The following ACSM2A variants were observed in gnomAD, a reference collection of about 807,000 sequenced individuals.
ACSM2A encodes the protein acyl-coenzyme A synthetase ACSM2A, mitochondrial.
A neutral mutation model predicts 76.6 loss-of-function variants in ACSM2A; 72 were observed. The observed-to-expected ratio is 0.94, with a 90% CI of 0.78 to 1.14. The LOEUF is 1.14. Among genes scored for constraint, ACSM2A ranks in the 50% most tolerant of loss-of-function variants. The probability of loss-of-function intolerance (pLI) is 0.00; values close to 1 mark genes in which losing one functional copy is unlikely to be tolerated. For synonymous variants in ACSM2A, 249 were observed against 255.9 expected (o/e 0.97, Z 0.26); for missense variants, 684 against 708.5 (o/e 0.97, Z 0.39).
intron 6 of ACSM2A, chr16:20,474,036 GC>G (rs1216677562): frequency 4.5e-6 from 2 of 448,340 alleles, no homozygotes; most frequent in Non-Finnish European, 8.9e-6. Flanking sequence ...GCTTCAAGTT[GC>G]CCCACCTTTC....
At chr16:20,469,872 ATTTTTTTTTT>A (rs35674523) in intron 4 of ACSM2A, among the ~76,000 whole-genome samples, 153 bp downstream of exon 4, 2 of 67,746 alleles carry the variant, frequency 3.0e-5, no homozygotes, top group Admixed American at 1.7e-4. Context: ...ACACAAGGGT[ATTTTTTTTTT>A]TTTTTTTTTT....
chr16:20,468,850 T>C (rs1250812917), intron 3 of ACSM2A, among the ~76,000 whole-genome samples: 6 of 152,222 alleles, frequency 3.9e-5, no homozygotes, highest in Admixed American at 6.5e-5. Flanking sequence ...GTACTGTAAA[T>C]TTCAGTATCA....
At chr16:20,463,165 G>T (rs1441850557) in intron 2 of ACSM2A, among the ~76,000 whole-genome samples, 2 of 151,778 alleles carry the variant, frequency 1.3e-5, no homozygotes, top group African/African-American at 4.8e-5. Flanking sequence ...ACACCAACAT[G>T]GCACATGTAT....
intron 1 of ACSM2A, among the ~76,000 whole-genome samples, chr16:20,455,866 A>G (rs1219067183): frequency 2.0e-5 from 3 of 151,804 alleles, no homozygotes; most frequent in Admixed American, 2.0e-4. Flanking sequence ...TGCATTATTG[A>G]TAAGAATATG....
rs182537812 is a variant in ACSM2A at position 20,487,275 on chromosome 16, T to G, written c.*597T>G. On this transcript the variant is annotated 3_prime_UTR_variant, in exon 14 of 14. Coordinates refer to ENST00000573854, the MANE Select transcript of ACSM2A (RefSeq NM_001308172.2). The stretch of plus-strand genomic sequence containing the variant: ...GGAAGTAAAGAGGAAAACTTATAAA[T>G]ATTCCCACAGATAGACAAAGTCAAG... The G allele has an allele frequency of 1.1e-4, 16 of 152,368 alleles. No homozygotes were observed. Among genetic ancestry groups the G allele is most frequent in the African/African-American group, 3.9e-4 (16 of 41,538 alleles). The allele number at this position is 152,368 out of a possible 1,614,324, so 9.4% of individuals were successfully genotyped here.
Position 20,453,776 on chromosome 16 carries a change from G to A in ACSM2A, c.-9+2095G>A, listed in dbSNP as rs899774358. 4.8e-5 allele frequency: 6 copies of A among 124,008 alleles called. 1 individual carries two copies. The highest frequency in any genetic ancestry group is 4.9e-5 in the Non-Finnish European group (3 of 61,088). The allele number at this position is 124,008 out of a possible 1,614,324, so 7.7% of individuals were successfully genotyped here. A position where few individuals can be genotyped will look rare whatever the true frequency, so the allele number is the denominator to read the frequency against. Reference sequence around the variant, plus strand: ...CCCTGGGGAAGGAATGCATTCCTGGGGGTAGGTCTATAGATGGCCTCTCTG... The same window carrying A: ...CCCTGGGGAAGGAATGCATTCCTGGAGGTAGGTCTATAGATGGCCTCTCTG... On this transcript the variant is annotated intron_variant, in intron 1 of 13. Transcript: ENST00000573854.
At chr16:20,456,778 C>A (rs1301767637) in intron 1 of ACSM2A, among the ~76,000 whole-genome samples, 3 of 148,766 alleles carry the variant, frequency 2.0e-5, no homozygotes, top group African/African-American at 5.0e-5. Context: ...CCAAACCCAG[C>A]ATAAGAAAGG....
chr16:20,460,438 C>T, intron 2 of ACSM2A, 147 bp downstream of exon 2: 1 of 1,466,224 alleles, frequency 6.8e-7, no homozygotes, highest in Non-Finnish European at 9.1e-7. Context: ...TCCATGAAGG[C>T]AGTATGGTAT....
At position 20,466,015 on chromosome 16, in the gene ACSM2A, TA is replaced by T. The variant is rs1289852570; in HGVS notation, c.388+289del. On this transcript the variant is annotated intron_variant, in intron 3 of 13. Coordinates refer to ENST00000573854, the MANE Select transcript of ACSM2A (RefSeq NM_001308172.2). ...GCACATGTAAGTATTTAATCAGAAT[TA>T]TGATAATTGGTATGAGAATTCTATT... is the stretch of plus-strand genomic sequence containing the variant. 4.6e-5 allele frequency among the ~76,000 whole-genome samples: 7 copies of T among 152,296 alleles called. No individual in the cohort carries two copies. In the South Asian group the frequency reaches 6.2e-4, roughly 14 times the overall value.
At chr16:20,471,478 C>T (rs2013397666) in intron 5 of ACSM2A, 58 bp from the exon 6 acceptor site, 1 of 1,561,322 alleles carries the variant, frequency 6.4e-7, no homozygotes, top group Non-Finnish European at 8.7e-7. Context: ...CCTTAGTGTC[C>T]CACGCATCCT....
At chr16:20,479,606 T>C (rs938251007) in intron 10 of ACSM2A, among the ~76,000 whole-genome samples, 1 of 152,160 alleles carries the variant, frequency 6.6e-6, no homozygotes, top group African/African-American at 2.4e-5. Flanking sequence ...ATTATACAGA[T>C]GAGGAAAACT....
At chr16:20,481,151 A>T in intron 12 of ACSM2A, 1 of 561,848 alleles carries the variant, frequency 1.8e-6, no homozygotes, top group Admixed American at 3.3e-5. Flanking sequence ...ATATTTGTAA[A>T]GTACTTAAGT....
At chr16:20,474,410 C>G (rs917623852) in intron 6 of ACSM2A, among the ~76,000 whole-genome samples, 2 of 151,988 alleles carry the variant, frequency 1.3e-5, no homozygotes, top group African/African-American at 4.8e-5. Context: ...CCTCGTGAGC[C>G]CCTTTACAAT....
At chr16:20,478,483 G>C in intron 9 of ACSM2A, 93 bp from the exon 10 acceptor site, 1 of 1,446,728 alleles carries the variant, frequency 6.9e-7, no homozygotes, top group Non-Finnish European at 9.4e-7. Flanking sequence ...AGAGCAAGAG[G>C]GTCTTTCATT....
intron 1 of ACSM2A, among the ~76,000 whole-genome samples, chr16:20,452,707 T>C (rs2141673007): frequency 6.7e-6 from 1 of 149,504 alleles, no homozygotes; most frequent in African/African-American, 2.5e-5. Flanking sequence ...ATATTAAGGA[T>C]GGAGTTCTTT....
intron 10 of ACSM2A, among the ~76,000 whole-genome samples, chr16:20,479,992 G>A (rs2013990896): frequency 6.6e-6 from 1 of 152,174 alleles, no homozygotes. Flanking sequence ...TGAACTTCCA[G>A]TCTGGAGCCC....
intron 2 of ACSM2A, among the ~76,000 whole-genome samples, chr16:20,462,253 T>C (rs1014351091): frequency 2.6e-5 from 4 of 152,104 alleles, no homozygotes; most frequent in African/African-American, 7.2e-5. Flanking sequence ...TTAACTATGC[T>C]TATAGCTTAG....
In ACSM2A at chr16:20,471,612, C is replaced by T. The variant is rs778933404; in HGVS notation, c.817C>T (p.Leu273Phe). The T allele has an allele frequency of 6.8e-6, 11 of 1,614,056 alleles. No individual in the cohort carries two copies. Among genetic ancestry groups the T allele is most frequent in the South Asian group, 1.1e-5 (1 of 91,060 alleles). Residue 273 changes from leucine (L) to phenylalanine (F), a missense_variant, in exon 6 of 14, where the codon CTT (leucine) becomes TTT (phenylalanine). Physicochemically the swap from Leu to Phe is conservative, Grantham distance 22. Around this residue, in one of 3 missense-constraint regions of ACSM2A, gnomAD observed 519 missense variants for 549.5 expected, o/e 0.94. Coordinates refer to ENST00000573854, the MANE Select transcript of ACSM2A (RefSeq NM_001308172.2). ...TTGGATACTGAACATCTTGTGCTCA[C>T]TTATGGAACCTTGGGCATTAGGAGC... ...TGWILNILCSLMEPWALGACT... is the reference protein window; with the variant it reads ...TGWILNILCSFMEPWALGACT...
At chr16:20,471,269 A>G (rs2013376511) in intron 5 of ACSM2A, 53 bp downstream of exon 5, 4 of 1,586,606 alleles carry the variant, frequency 2.5e-6, no homozygotes, top group Non-Finnish European at 3.4e-6. Context: ...TGGAGTTAGA[A>G]GGAGAATGAG....
Sources: gnomAD v4.1 joint callset for allele counts (sites outside exome capture counted in the v4.1 genomes callset) on GRCh38, gnomAD v4.1.1 for gene constraint, gnomAD v4.1.1 regional missense constraint, MANE v1.5 for transcripts, NCBI Gene and HGNC (gene_info 2026-07-23, HGNC 2026-07-21) for gene names.